Variants in GRIK2 observed in about 807,000 individuals in gnomAD.
The protein encoded by GRIK2 is glutamate ionotropic receptor kainate type subunit 2.
A neutral mutation model predicts 100.3 loss-of-function variants in GRIK2; 32 were observed. The ratio of observed to expected loss-of-function variants is 0.32; its 90% confidence interval spans 0.24 to 0.43. GRIK2 has a LOEUF of 0.43. GRIK2 is among the 20% of genes least tolerant of loss of function. The pLI, the probability that GRIK2 is intolerant of heterozygous loss-of-function variation, is 1.00. For synonymous variants in GRIK2, 417 were observed against 389.4 expected (o/e 1.07, Z -0.83); for missense variants, 843 against 1,114.9 (o/e 0.76, Z 3.47).
At chr6:101,754,744 C>G (rs1228207361) in intron 7 of GRIK2, among the ~76,000 whole-genome samples, 1 of 152,140 alleles carries the variant, frequency 6.6e-6, no homozygotes, top group Non-Finnish European at 1.5e-5. Flanking sequence ...TAACTAGGAA[C>G]TGGATTATGG....
chr6:101,753,739 T>A (rs1216932580), intron 7 of GRIK2, among the ~76,000 whole-genome samples: 1 of 152,190 alleles, frequency 6.6e-6, no homozygotes, highest in East Asian at 1.9e-4. Flanking sequence ...TAATTGATAG[T>A]TTTCCAACAT....
At chr6:101,725,999 A>C (rs1206438533) in intron 7 of GRIK2, among the ~76,000 whole-genome samples, 2 of 151,920 alleles carry the variant, frequency 1.3e-5, no homozygotes, top group Non-Finnish European at 2.9e-5. Context: ...TTAATTAATA[A>C]AAATATCTAA....
chr6:101,400,743 C>G (rs936196039), intron 2 of GRIK2, among the ~76,000 whole-genome samples: 5 of 152,204 alleles, frequency 3.3e-5, no homozygotes, highest in African/African-American at 1.2e-4. Flanking sequence ...GGATGTTTCA[C>G]ATACATTCAA....
intron 10 of GRIK2, among the ~76,000 whole-genome samples, chr6:101,843,584 A>C (rs866454415): frequency 2.0e-5 from 3 of 152,304 alleles, no homozygotes; most frequent in Middle Eastern, 6.8e-3. Flanking sequence ...AGCAGAGCAG[A>C]AAACCCAAAA....
At chr6:102,066,536 C>G (rs1182009551) in intron 16 of GRIK2, among the ~76,000 whole-genome samples, 1 of 151,532 alleles carries the variant, frequency 6.6e-6, no homozygotes, top group African/African-American at 2.4e-5. Context: ...TAAGTTAAAA[C>G]TTGAGCCATG....
At chr6:102,044,571 G>C (rs1280497811) in intron 15 of GRIK2, among the ~76,000 whole-genome samples, 1 of 151,912 alleles carries the variant, frequency 6.6e-6, no homozygotes, top group Non-Finnish European at 1.5e-5. Context: ...GATCTCGTGA[G>C]ACTTATTCAC....
intron 5 of GRIK2, among the ~76,000 whole-genome samples, chr6:101,682,104 A>C (rs1474352681): frequency 1.3e-5 from 2 of 152,212 alleles, no homozygotes; most frequent in Non-Finnish European, 2.9e-5. Flanking sequence ...AATGCTATGG[A>C]AATGTCTCTA....
At chr6:101,727,614 A>T (rs1265489361) in intron 7 of GRIK2, among the ~76,000 whole-genome samples, 1 of 152,078 alleles carries the variant, frequency 6.6e-6, no homozygotes, top group African/African-American at 2.4e-5. Context: ...GCTCATTGTT[A>T]CATTTCCTGT....
intron 14 of GRIK2, among the ~76,000 whole-genome samples, chr6:101,997,686 A>G (rs1378995697): frequency 1.3e-5 from 2 of 151,978 alleles, no homozygotes; most frequent in African/African-American, 4.8e-5. Flanking sequence ...ATATTTGTCT[A>G]TTATCTATCA....
In GRIK2 at chr6:101,751,994, A is replaced by G. The variant is rs143649085; in HGVS notation, c.952-47654A>G. 2.6e-5 allele frequency among the ~76,000 whole-genome samples: 4 copies of G among 152,280 alleles called. No individual in the cohort carries two copies. In the East Asian group the frequency reaches 7.7e-4, roughly 29 times the overall value. On this transcript the variant is annotated intron_variant, in intron 7 of 16. Coordinates refer to ENST00000369134, the MANE Select transcript of GRIK2 (RefSeq NM_021956.5). ...CTCACTTATTAGCTGGAATATTTCT[A>G]AAAGAAAAACCTTCCCTATGTACTA...
intron 4 of GRIK2, among the ~76,000 whole-genome samples, chr6:101,633,602 T>C (rs1311929365): frequency 6.6e-6 from 1 of 152,168 alleles, no homozygotes; most frequent in Non-Finnish European, 1.5e-5. Context: ...AATCTCACAA[T>C]TTTTGAAATT....
At chr6:102,000,505 A>G (rs933160487) in intron 14 of GRIK2, among the ~76,000 whole-genome samples, 2 of 151,944 alleles carry the variant, frequency 1.3e-5, no homozygotes, top group Non-Finnish European at 2.9e-5. Context: ...TTTCACTTAG[A>G]AGTAAGAACA....
intron 16 of GRIK2, among the ~76,000 whole-genome samples, chr6:102,065,532 C>T (rs549212003): frequency 6.6e-6 from 1 of 151,360 alleles, no homozygotes; most frequent in African/African-American, 2.4e-5. Context: ...ACTTAGCCTA[C>T]TCCCTTACTA....
intron 16 of GRIK2, among the ~76,000 whole-genome samples, chr6:102,059,666 T>C (rs533802859): frequency 2.0e-5 from 3 of 151,096 alleles, no homozygotes; most frequent in Non-Finnish European, 4.5e-5. Flanking sequence ...ATTTTAATTT[T>C]TATAAACTTT....
At chr6:101,790,664 T>C (rs993097660) in intron 7 of GRIK2, among the ~76,000 whole-genome samples, 3 of 149,318 alleles carry the variant, frequency 2.0e-5, no homozygotes, top group Non-Finnish European at 4.4e-5. Context: ...TGGTCTAAAA[T>C]TCTCTTTTTT....
Position 101,643,107 on chromosome 6 carries a change from T to C in GRIK2, c.541+16470T>C, listed in dbSNP as rs537641522. Among the ~76,000 whole-genome samples, 3 of 151,820 alleles carry C rather than the reference T, an allele frequency of 2.0e-5. No individual in the cohort carries two copies. In the East Asian group the frequency reaches 5.8e-4, roughly 29 times the overall value. The stretch of plus-strand genomic sequence containing the variant: ...TGGTTGTTGAGTTTCAGTAATTCTT[T>C]CTATATTCTGGATATTAACTGACTA... On this transcript the variant is annotated intron_variant, in intron 4 of 16. Coordinates refer to ENST00000369134, the MANE Select transcript of GRIK2 (RefSeq NM_021956.5).
intron 14 of GRIK2, among the ~76,000 whole-genome samples, chr6:101,932,312 T>C (rs1790340803): frequency 6.6e-6 from 1 of 152,052 alleles, no homozygotes; most frequent in African/African-American, 2.4e-5. Context: ...TTAAACAAAA[T>C]GTTGGCACAT....
chr6:101,682,235 C>T (rs547355749), intron 5 of GRIK2, among the ~76,000 whole-genome samples: 86 of 152,226 alleles, frequency 5.6e-4, no homozygotes, highest in Non-Finnish European at 1.1e-3. Flanking sequence ...GAAGACGTTA[C>T]GAATGTAACA....
At chr6:101,742,676 G>C (rs75193264) in intron 7 of GRIK2, among the ~76,000 whole-genome samples, 2,397 of 152,282 alleles carry the variant, frequency 0.016, 68 homozygotes, top group African/African-American at 0.055. Flanking sequence ...GGCTGAGTTT[G>C]TCTAAAGACC....
Sources: gnomAD v4.1 joint callset for allele counts (sites outside exome capture counted in the v4.1 genomes callset) on GRCh38, gnomAD v4.1.1 for gene constraint, MANE v1.5 for transcripts, NCBI Gene and HGNC (gene_info 2026-07-23, HGNC 2026-07-21) for gene names.